The following SPTBN1 variants were observed in gnomAD, a reference collection of about 807,000 sequenced individuals.
The protein encoded by SPTBN1 is spectrin beta, non-erythrocytic 1.
In SPTBN1, 32 loss-of-function variants were observed where a neutral mutation model predicts 266.4. That is an observed-to-expected ratio of 0.12 (90% CI 0.09 to 0.16). SPTBN1 has a LOEUF of 0.16. Among genes scored for constraint, SPTBN1 ranks in the 10% least tolerant of loss-of-function variants. The pLI is 1.00. For missense variants in SPTBN1, 2,296 were observed against 3,067.1 expected (o/e 0.75, Z 5.94); for synonymous variants, 1,336 against 1,162.2 (o/e 1.15, Z -3.04).
At chr2:54,648,887 T>G (rs1401917884) in intron 24 of SPTBN1, 99 bp from the exon 25 acceptor site, 2 of 1,115,304 alleles carry the variant, frequency 1.8e-6, no homozygotes, top group African/African-American at 3.1e-5. Context: ...AAATATGATG[T>G]AATATGCTCT....
At chr2:54,548,390 C>T (rs1048607314) in intron 2 of SPTBN1, among the ~76,000 whole-genome samples, 1 of 152,196 alleles carries the variant, frequency 6.6e-6, no homozygotes, top group Non-Finnish European at 1.5e-5. Context: ...CTGTCATTCT[C>T]TCTGAGCTGG....
At chr2:54,487,832 C>CTTTTTTTTCTTTTTTTTTTT (rs1668486752) in intron 1 of SPTBN1, among the ~76,000 whole-genome samples, 1 of 68,642 alleles carries the variant, frequency 1.5e-5, no homozygotes, top group African/African-American at 5.5e-5. Context: ...CCTCCTGTGT[C>CTTTTTTTTCTTTTTTTTTTT]TTTTTTTTTT....
Position 54,481,391 on chromosome 2 carries a change from A to AGAGTGTGT in SPTBN1, c.-48+24874_-48+24875insAGTGTGTG, listed in dbSNP as rs1455743105. 1.9e-3 allele frequency among the ~76,000 whole-genome samples: 220 copies of AGAGTGTGT among 117,400 alleles called. 1 individual carries two copies. The highest frequency in any genetic ancestry group is 7.2e-3 in the African/African-American group (210 of 29,156). The allele number at this position is 117,400 out of a possible 152,430, so 77.0% of individuals were successfully genotyped here. A position where few individuals can be genotyped will look rare whatever the true frequency, so the allele number is the denominator to read the frequency against. ...GAAGATTAGAGGCTGCAGAAACCTG[A>AGAGTGTGT]GTGTGTGTGTGTGTGTGTGTGTGTG... On this transcript the variant is annotated intron_variant, in intron 1 of 35. Transcript: ENST00000356805.
At chr2:54,480,365 A>G (rs1042461996) in intron 1 of SPTBN1, among the ~76,000 whole-genome samples, 13 of 152,252 alleles carry the variant, frequency 8.5e-5, no homozygotes, top group Admixed American at 7.8e-4. Flanking sequence ...GAAAAACAAA[A>G]TCAAACAAAA....
rs1680557180 is a variant in SPTBN1, at chr2:54,655,056, T to C, written c.5823-14T>C. On this transcript the variant is annotated splice_polypyrimidine_tract_variant and intron_variant, in intron 27 of 35. Transcript: ENST00000356805. Reference sequence around the variant, plus strand: ...CTTGATCTCCTAACGGAGGCATCGTTTGTCTAATTTTAGGGATGTATCATC... The same window carrying C: ...CTTGATCTCCTAACGGAGGCATCGTCTGTCTAATTTTAGGGATGTATCATC... The C allele has an allele frequency of 6.2e-7, 1 of 1,605,150 alleles. No individual in the cohort carries two copies. The highest frequency in any genetic ancestry group is 8.5e-7 in the Non-Finnish European group (1 of 1,174,216).
chr2:54,616,992 A>G (rs906986285), intron 5 of SPTBN1, among the ~76,000 whole-genome samples: 1 of 152,224 alleles, frequency 6.6e-6, no homozygotes, highest in Non-Finnish European at 1.5e-5. Flanking sequence ...ATGTCTATAA[A>G]GAGCTTATGG....
At chr2:54,600,529 G>A (rs1254797357) in intron 3 of SPTBN1, among the ~76,000 whole-genome samples, 1 of 152,122 alleles carries the variant, frequency 6.6e-6, no homozygotes, top group Non-Finnish European at 1.5e-5. Flanking sequence ...GACCCACATG[G>A]GGAGTTTGAA....
chr2:54,594,064 C>G (rs1327764883), intron 2 of SPTBN1, among the ~76,000 whole-genome samples: 3 of 152,000 alleles, frequency 2.0e-5, no homozygotes, highest in South Asian at 2.1e-4. Context: ...AACTCCTGAC[C>G]TCATGATCCG....
At chr2:54,561,453 C>G (rs576607741) in intron 2 of SPTBN1, among the ~76,000 whole-genome samples, 15 of 152,206 alleles carry the variant, frequency 9.9e-5, no homozygotes, top group African/African-American at 3.4e-4. Flanking sequence ...TTTAATGCCT[C>G]TGATATGAAC....
intron 1 of SPTBN1, among the ~76,000 whole-genome samples, chr2:54,523,577 T>C (rs968376123): frequency 6.6e-6 from 1 of 152,272 alleles, no homozygotes; most frequent in South Asian, 2.1e-4. Context: ...TTGTTTCAGC[T>C]TATTTACTAT....
intron 2 of SPTBN1, among the ~76,000 whole-genome samples, chr2:54,572,051 C>G (rs1366190770): frequency 6.6e-6 from 1 of 150,866 alleles, no homozygotes; most frequent in Non-Finnish European, 1.5e-5. Context: ...TTAGGGAACT[C>G]TTGTGGTTGG....
At chr2:54,608,825 G>C (rs949143289) in intron 3 of SPTBN1, among the ~76,000 whole-genome samples, 2 of 152,090 alleles carry the variant, frequency 1.3e-5, no homozygotes, top group Non-Finnish European at 2.9e-5. Context: ...ATAGCCTACT[G>C]TTGTCTTATC....
chr2:54,576,074 A>ATTT lies in SPTBN1; in HGVS notation c.149-23018_149-23017insTTT, dbSNP rs1209132160. 3.2e-4 allele frequency among the ~76,000 whole-genome samples: 30 copies of ATTT among 93,856 alleles called. 6 individuals carry two copies. The highest frequency in any genetic ancestry group is 7.1e-3 in the Middle Eastern group (1 of 140). 61.6% of individuals were successfully genotyped at this position (93,856 alleles called of 152,430 possible). A position where few individuals can be genotyped will look rare whatever the true frequency, so the allele number is the denominator to read the frequency against. On this transcript the variant is annotated intron_variant, in intron 2 of 35. Transcript: ENST00000356805. Reference sequence around the variant, plus strand: ...ATCCAGCTTTTTTTTTTTTTTTTTGAGAGACAGTCTGGCTGTGTCTCCCAG... The same window carrying ATTT: ...ATCCAGCTTTTTTTTTTTTTTTTTGATTTGAGACAGTCTGGCTGTGTCTCCCAG...
intron 2 of SPTBN1, among the ~76,000 whole-genome samples, chr2:54,598,444 C>T (rs763525194): frequency 5.3e-5 from 7 of 131,008 alleles, no homozygotes; most frequent in Non-Finnish European, 9.6e-5. Context: ...TGTCTTTGCA[C>T]TCTACCATGT....
intron 1 of SPTBN1, among the ~76,000 whole-genome samples, chr2:54,468,068 G>T (rs1339732325): frequency 6.6e-6 from 1 of 152,098 alleles, no homozygotes; most frequent in Non-Finnish European, 1.5e-5. Flanking sequence ...CAGCACTTTG[G>T]GAGGCCGAGG....
intron 4 of SPTBN1, among the ~76,000 whole-genome samples, chr2:54,615,659 A>G (rs1437786551): frequency 6.6e-6 from 1 of 152,226 alleles, no homozygotes; most frequent in Non-Finnish European, 1.5e-5. Context: ...ACATCCAGGC[A>G]GTCTGACTTT....
intron 2 of SPTBN1, among the ~76,000 whole-genome samples, chr2:54,575,184 C>T (rs971385488): frequency 1.8e-4 from 27 of 152,168 alleles, no homozygotes; most frequent in African/African-American, 6.0e-4. Context: ...AAATCCAGAG[C>T]GTTGTGTATT....
chr2:54,542,200 C>T (rs1037205004), intron 2 of SPTBN1, among the ~76,000 whole-genome samples: 1 of 152,208 alleles, frequency 6.6e-6, no homozygotes, highest in African/African-American at 2.4e-5. Flanking sequence ...AGTCTGTGGT[C>T]AGCAGAAAAG....
chr2:54,644,092 G>A (rs570355318), intron 19 of SPTBN1, among the ~76,000 whole-genome samples: 1 of 152,152 alleles, frequency 6.6e-6, no homozygotes, highest in Non-Finnish European at 1.5e-5. Context: ...TGCCCCAGTT[G>A]AGACTATTTC....
Sources: gnomAD v4.1 joint callset for allele counts (sites outside exome capture counted in the v4.1 genomes callset) on GRCh38, gnomAD v4.1.1 for gene constraint, MANE v1.5 for transcripts, NCBI Gene and HGNC (gene_info 2026-07-23, HGNC 2026-07-21) for gene names.